The following LRP6 variants were observed in gnomAD, a reference collection of about 807,000 sequenced individuals.
LRP6 encodes the protein low-density lipoprotein receptor-related protein 6.
In LRP6, 43 loss-of-function variants were observed where a neutral mutation model predicts 184.1. The ratio of observed to expected loss-of-function variants is 0.23; its 90% CI spans 0.18 to 0.30. LRP6 has a LOEUF of 0.30. LRP6 is among the 10% of genes least tolerant of loss of function. LRP6 has a pLI of 1.00. For missense variants in LRP6, 1,571 were observed against 2,005.3 expected, an observed-to-expected ratio of 0.78 and a Z score of 4.14; for synonymous variants, 719 against 684.9, an observed-to-expected ratio of 1.05 and a Z score of -0.78.
intron 5 of LRP6, among the ~76,000 whole-genome samples, chr12:12,181,885 A>G (rs1863353613): frequency 6.6e-6 from 1 of 152,226 alleles, no homozygotes; most frequent in Non-Finnish European, 1.5e-5. Flanking sequence ...TGTGGTGATA[A>G]CTGCGTAACT....
chr12:12,131,320 G>A (rs1232391718), intron 18 of LRP6, among the ~76,000 whole-genome samples: 2 of 151,852 alleles, frequency 1.3e-5, no homozygotes, highest in Admixed American at 1.3e-4. Flanking sequence ...GTGTTAGCCA[G>A]GATGGTCTCT....
chr12:12,257,555 T>TG (rs1328462854), intron 1 of LRP6, among the ~76,000 whole-genome samples: 2 of 131,216 alleles, frequency 1.5e-5, no homozygotes, highest in African/African-American at 6.0e-5. Context: ...CACTCCAGCC[T>TG]GGGCGACAGA....
chr12:12,149,397 A>G (rs1950051016), intron 13 of LRP6, among the ~76,000 whole-genome samples: 1 of 152,194 alleles, frequency 6.6e-6, no homozygotes, highest in Non-Finnish European at 1.5e-5. Flanking sequence ...AGTTGCTCCA[A>G]GAACCTGATA....
At position 12,199,104 on chromosome 12, in the gene LRP6, C is replaced by A. The variant is rs145922276; in HGVS notation, c.647+4099G>T. On this transcript the variant is annotated intron_variant, in intron 3 of 22. Transcript: ENST00000261349. ...CCAAAGGAACAACATGGATGACTTG[C>A]AAAGAATGGGCTATTTAAGCACCAT... Among the ~76,000 whole-genome samples, 220 of 150,936 alleles carry A rather than the reference C, an allele frequency of 1.5e-3. 1 individual carries two copies. The highest frequency in any genetic ancestry group is 4.9e-3 in the African/African-American group (201 of 40,942).
chr12:12,195,450 T>C (rs1171245711), intron 3 of LRP6, among the ~76,000 whole-genome samples: 1 of 152,166 alleles, frequency 6.6e-6, no homozygotes, highest in African/African-American at 2.4e-5. Flanking sequence ...GGATGATTTG[T>C]GATGTTGAGC....
At chr12:12,169,072 T>C (rs1318347544) in intron 7 of LRP6, among the ~76,000 whole-genome samples, 2 of 151,772 alleles carry the variant, frequency 1.3e-5, no homozygotes, top group Non-Finnish European at 2.9e-5. Flanking sequence ...CTACTAAAAA[T>C]AGAAAAATTA....
chr12:12,263,099 CA>C (rs11286701), intron 1 of LRP6, among the ~76,000 whole-genome samples: 6,240 of 128,888 alleles, frequency 0.048, 162 homozygotes, highest in Middle Eastern at 0.18. Flanking sequence ...ACTAAAAATA[CA>C]AAAAAAAAAA....
intron 2 of LRP6, among the ~76,000 whole-genome samples, chr12:12,228,775 C>T (rs1864697705): frequency 6.6e-6 from 1 of 152,198 alleles, no homozygotes; most frequent in Non-Finnish European, 1.5e-5. Flanking sequence ...TCCCACCCAC[C>T]CCGCTACTGC....
intron 3 of LRP6, among the ~76,000 whole-genome samples, chr12:12,197,343 G>A (rs1324987228): frequency 6.6e-6 from 1 of 152,154 alleles, no homozygotes; most frequent in Non-Finnish European, 1.5e-5. Flanking sequence ...GAAAGGCTTG[G>A]TTTCTTTTAA....
intron 2 of LRP6, among the ~76,000 whole-genome samples, chr12:12,207,321 A>T (rs1864087351): frequency 6.6e-6 from 1 of 151,328 alleles, no homozygotes; most frequent in South Asian, 2.1e-4. Flanking sequence ...GGTCAAGACC[A>T]TCCTGGCCAA....
At chr12:12,171,070 C>G (rs960876364) in intron 7 of LRP6, among the ~76,000 whole-genome samples, 1 of 152,030 alleles carries the variant, frequency 6.6e-6, no homozygotes, top group African/African-American at 2.4e-5. Context: ...CATGTACTAA[C>G]AATGGTTAAA....
At chr12:12,173,341 T>C (rs1029768865) in intron 7 of LRP6, among the ~76,000 whole-genome samples, 1 of 152,158 alleles carries the variant, frequency 6.6e-6, no homozygotes, top group Non-Finnish European at 1.5e-5. Flanking sequence ...ACAGCTAAAA[T>C]AAATTCTTTT....
At chr12:12,157,340 A>G (rs1318881893) in intron 12 of LRP6, among the ~76,000 whole-genome samples, 2 of 151,974 alleles carry the variant, frequency 1.3e-5, no homozygotes, top group Non-Finnish European at 2.9e-5. Flanking sequence ...CGCTGCTGCC[A>G]CCACCATTGT....
chr12:12,175,685 C>T (rs957169016), intron 7 of LRP6, among the ~76,000 whole-genome samples: 4 of 141,468 alleles, frequency 2.8e-5, no homozygotes, highest in South Asian at 2.3e-4. Context: ...AGCGAGACTC[C>T]GTCTCAAATA....
Position 12,150,827 on chromosome 12 carries a change from C to T in LRP6, c.2994+9G>A, listed in dbSNP as rs1950071296. 4 of 1,612,892 alleles carry T rather than the reference C, an allele frequency of 2.5e-6. No individual in the cohort carries two copies. Among genetic ancestry groups the T allele is most frequent in the Non-Finnish European group, 3.4e-6 (4 of 1,179,956 alleles). On this transcript the variant is annotated intron_variant, in intron 13 of 22. Coordinates refer to ENST00000261349, the MANE Select transcript of LRP6 (RefSeq NM_002336.3). ...GGAGAAATGAATTTTGAACCAAGCTCTCAATTACCTGGCTGCCATCTTCTT... is the reference window on the plus strand; with the variant it reads ...GGAGAAATGAATTTTGAACCAAGCTTTCAATTACCTGGCTGCCATCTTCTT...
intron 3 of LRP6, among the ~76,000 whole-genome samples, chr12:12,188,678 C>T (rs1863539537): frequency 2.0e-5 from 3 of 152,178 alleles, no homozygotes; most frequent in African/African-American, 4.8e-5. Context: ...TTCCTTAATC[C>T]TCTCTTCCCT....
chr12:12,263,608 G>A (rs560559866), intron 1 of LRP6, among the ~76,000 whole-genome samples: 6 of 150,612 alleles, frequency 4.0e-5, no homozygotes, highest in Middle Eastern at 7.0e-3. Context: ...TCCGAGAGGC[G>A]GAGGTGGGAG....
intron 15 of LRP6, among the ~76,000 whole-genome samples, chr12:12,146,589 G>A (rs1950010040): frequency 6.6e-6 from 1 of 152,154 alleles, no homozygotes; most frequent in African/African-American, 2.4e-5. Flanking sequence ...TACCAGAAAG[G>A]TAAACGCCAC....
At position 12,149,009 on chromosome 12, in the gene LRP6, A is replaced by C. The variant is rs1427800036; in HGVS notation, c.3139T>G (p.Ser1047Ala). 6.2e-7 allele frequency: 1 copy of C among 1,613,852 alleles called. No homozygotes were observed. The highest frequency in any genetic ancestry group is 8.5e-7 in the Non-Finnish European group (1 of 1,180,012). ...VINVTRLDGRSVGVVLKGEQD... is the reference protein window; with the variant it reads ...VINVTRLDGRAVGVVLKGEQD... ...TCGCCTTTCAGCACCACTCCAACTG[A>C]TCTCCCATCTAATCTTGTCACATTA... The change falls in exon 14 of 23, where the codon TCA becomes GCA. Residue 1047 changes from serine (S) to alanine (A), a missense_variant. Physicochemically the swap from Ser to Ala is moderately conservative, Grantham distance 99 (BLOSUM62 1). Around this residue, in one of 4 missense-constraint regions of LRP6, gnomAD observed 763 missense variants for 859.5 expected, o/e 0.89. Coordinates refer to ENST00000261349, the MANE Select transcript of LRP6 (RefSeq NM_002336.3).
Sources: gnomAD v4.1 joint callset for allele counts (sites outside exome capture counted in the v4.1 genomes callset) on GRCh38, gnomAD v4.1.1 for gene constraint, gnomAD v4.1.1 regional missense constraint, MANE v1.5 for transcripts, NCBI Gene and HGNC (gene_info 2026-07-23, HGNC 2026-07-21) for gene names.